Variants in SETBP1 observed in about 807,000 individuals in gnomAD.
SETBP1 encodes the protein SET-binding protein.
Under a neutral mutation model 101.0 loss-of-function variants are expected in SETBP1, and 9 were observed. The observed-to-expected ratio is 0.09, with a 90% CI of 0.05 to 0.16. The LOEUF (loss-of-function observed/expected upper bound fraction) is 0.16. Among genes scored for constraint, SETBP1 ranks in the 10% least tolerant of loss-of-function variants. The pLI is 1.00. For synonymous variants in SETBP1, 818 were observed against 788.5 expected, an observed-to-expected ratio of 1.04 and a Z score of -0.63; for missense variants, 1,858 against 2,033.8, an observed-to-expected ratio of 0.91 and a Z score of 1.66.
In SETBP1 at chr18:44,962,253, G is replaced by T. The variant is rs2071627798; in HGVS notation, c.4000+8913G>T. Among the ~76,000 whole-genome samples, 4 of 152,344 alleles carry T rather than the reference G, an allele frequency of 2.6e-5. No individual in the cohort carries two copies. In the South Asian group the frequency reaches 8.3e-4, roughly 32 times the overall value. On this transcript the variant is annotated intron_variant, in intron 4 of 5. Coordinates refer to ENST00000649279, the MANE Select transcript of SETBP1 (RefSeq NM_015559.3). ...AAGTCTTGCGGCAGAAGCTTGGAGA[G>T]TAGGTTCACAGTGAGTGCTCCAGCA...
At chr18:44,736,308 G>A (rs545597459) in intron 2 of SETBP1, among the ~76,000 whole-genome samples, 1 of 152,292 alleles carries the variant, frequency 6.6e-6, no homozygotes, top group Non-Finnish European at 1.5e-5. Context: ...GAGCCTGGGA[G>A]GTCGAGGCTG....
At chr18:44,891,355 A>T (rs186928610) in intron 3 of SETBP1, among the ~76,000 whole-genome samples, 1 of 152,298 alleles carries the variant, frequency 6.6e-6, no homozygotes, top group African/African-American at 2.4e-5. Flanking sequence ...ATATTTGATC[A>T]TCTAGGTTTG....
chr18:44,867,757 G>T (rs371658344), intron 2 of SETBP1, among the ~76,000 whole-genome samples: 1 of 152,146 alleles, frequency 6.6e-6, no homozygotes, highest in African/African-American at 2.4e-5. Flanking sequence ...GAACAGTGCA[G>T]GTTTTACCTT....
intron 4 of SETBP1, among the ~76,000 whole-genome samples, chr18:44,964,209 T>G (rs2145163966): frequency 6.6e-6 from 1 of 152,290 alleles, no homozygotes; most frequent in East Asian, 1.9e-4. Context: ...TGCTGTTATA[T>G]TTTTACTTTA....
intron 2 of SETBP1, chr18:44,733,111 A>G (rs1404123380): frequency 1.3e-5 from 2 of 152,272 alleles, no homozygotes; most frequent in East Asian, 3.9e-4. Flanking sequence ...GGGATCTTAG[A>G]GACCTCTAAA....
chr18:45,060,815 A>G (rs1309242824), intron 5 of SETBP1, among the ~76,000 whole-genome samples: 1 of 152,162 alleles, frequency 6.6e-6, no homozygotes, highest in African/African-American at 2.4e-5. Context: ...TTTCATTTTA[A>G]AAAGACAACA....
At position 45,063,473 on chromosome 18, in the gene SETBP1, G is replaced by T. The variant is rs912711266; in HGVS notation, c.4566G>T (p.Leu1522=). 1.2e-5 allele frequency: 18 copies of T among 1,442,214 alleles called. No individual in the cohort carries two copies. The Admixed American group carries it at 4.0e-4, about 32-fold the overall frequency. 89.3% of individuals were successfully genotyped at this position (1,442,214 alleles called of 1,614,324 possible). A position where few individuals can be genotyped will look rare whatever the true frequency, so the allele number is the denominator to read the frequency against. ...VIHMAREAPP[L]PPPPPPPLPP... ...ACATGGCCCGGGAGGCGCCGCCCCT[G>T]CCCCCGCCACCGCCGCCGCCCCTGC... The change falls in exon 6 of 6, where the codon CTG becomes CTT. Residue 1522 remains leucine, a synonymous_variant. Coordinates refer to ENST00000649279, the MANE Select transcript of SETBP1 (RefSeq NM_015559.3).
intron 4 of SETBP1, among the ~76,000 whole-genome samples, chr18:45,004,377 A>G (rs529592986): frequency 2.0e-5 from 3 of 152,296 alleles, no homozygotes; most frequent in African/African-American, 7.2e-5. Flanking sequence ...CTTGGGTGTG[A>G]TGCATCCTTT....
rs1405880502 is a variant in SETBP1 at position 44,701,225 on chromosome 18, A to G, written c.-122A>G. ...CCTCATCGTGTCTCCATCCCTGGGAATCTGACCCTAGCAACTGGACCACTT... is the reference window on the plus strand; with the variant it reads ...CCTCATCGTGTCTCCATCCCTGGGAGTCTGACCCTAGCAACTGGACCACTT... On this transcript the variant is annotated 5_prime_UTR_variant, in exon 2 of 6. Coordinates refer to ENST00000649279, the MANE Select transcript of SETBP1 (RefSeq NM_015559.3). The G allele has an allele frequency of 3.2e-5, 35 of 1,103,460 alleles. No homozygotes were observed. Among genetic ancestry groups the G allele is most frequent in the Non-Finnish European group, 4.0e-5 (32 of 791,112 alleles). 68.4% of individuals were successfully genotyped at this position (1,103,460 alleles called of 1,614,324 possible).
At chr18:44,847,568 A>C (rs970586315) in intron 2 of SETBP1, among the ~76,000 whole-genome samples, 1 of 152,202 alleles carries the variant, frequency 6.6e-6, no homozygotes, top group Admixed American at 6.5e-5. Context: ...TCCCTGATGT[A>C]GAGACACGCA....
At chr18:44,793,473 G>A (rs373256080) in intron 2 of SETBP1, among the ~76,000 whole-genome samples, 3 of 152,300 alleles carry the variant, frequency 2.0e-5, no homozygotes, top group African/African-American at 7.2e-5. Context: ...AGGACCAGAA[G>A]CAGCAGCATT....
chr18:44,987,108 A>G lies in SETBP1; in HGVS notation c.4000+33768A>G, dbSNP rs555056324. 14 of 152,356 alleles carry G rather than the reference A, an allele frequency of 9.2e-5. 1 individual carries two copies. The highest frequency in any genetic ancestry group is 3.1e-4 in the African/African-American group (13 of 41,582). The allele number at this position is 152,356 out of a possible 1,614,324, so 9.4% of individuals were successfully genotyped here. On this transcript the variant is annotated intron_variant, in intron 4 of 5. Transcript: ENST00000649279. ...CAAACACTTGCATAAAGCATTGTGT[A>G]ATAGCCTCTATGATATTGTAGTGGC...
chr18:44,991,244 C>CAAAAAAA (rs55811938), intron 4 of SETBP1, among the ~76,000 whole-genome samples: 1 of 68,194 alleles, frequency 1.5e-5, no homozygotes, highest in African/African-American at 5.9e-5. Context: ...CTGCATCTCA[C>CAAAAAAA]AAAAAAAAAA....
intron 2 of SETBP1, among the ~76,000 whole-genome samples, chr18:44,787,534 C>T (rs2071263548): frequency 6.6e-6 from 1 of 151,948 alleles, no homozygotes; most frequent in Admixed American, 6.6e-5. Context: ...AAACAAAATC[C>T]CAGTACTGTA....
intron 4 of SETBP1, among the ~76,000 whole-genome samples, chr18:45,032,841 G>A (rs2073324920): frequency 6.6e-6 from 1 of 152,076 alleles, no homozygotes; most frequent in Admixed American, 6.6e-5. Context: ...TAGTAGCAGA[G>A]GCTCTGTCTT....
intron 2 of SETBP1, among the ~76,000 whole-genome samples, chr18:44,744,769 TA>T (rs111386284): frequency 2.3e-4 from 30 of 132,586 alleles, no homozygotes; most frequent in Admixed American, 3.7e-4. Flanking sequence ...ACCCTCCTCT[TA>T]AAAAAAAAAA....
At chr18:45,016,945 G>A (rs1216642626) in intron 4 of SETBP1, among the ~76,000 whole-genome samples, 1 of 152,066 alleles carries the variant, frequency 6.6e-6, no homozygotes, top group Non-Finnish European at 1.5e-5. Context: ...ACGGCTGCGT[G>A]GAAGTGTCAT....
intron 1 of SETBP1, among the ~76,000 whole-genome samples, chr18:44,691,404 G>A (rs750683170): frequency 7.1e-6 from 1 of 141,622 alleles, no homozygotes; most frequent in African/African-American, 2.7e-5. Context: ...TTCCTTGACT[G>A]CACAGAGGAA....
intron 2 of SETBP1, chr18:44,733,261 G>A (rs2069878833): frequency 6.6e-6 from 1 of 152,176 alleles, no homozygotes; most frequent in Admixed American, 6.5e-5. Flanking sequence ...TGAATCTCTG[G>A]TAAGTAAATA....
Sources: gnomAD v4.1 joint callset for allele counts (sites outside exome capture counted in the v4.1 genomes callset) on GRCh38, gnomAD v4.1.1 for gene constraint, MANE v1.5 for transcripts, NCBI Gene and HGNC (gene_info 2026-07-23, HGNC 2026-07-21) for gene names.